SLC34A1: variants seen among roughly 807,000 people sequenced by gnomAD.
SLC34A1 encodes the protein solute carrier family 34 member 1, also known as sodium-dependent phosphate transport protein 2A.
SLC34A1 carries 57 observed loss-of-function variants against 51.4 expected under a neutral mutation model. The observed-to-expected ratio is 1.11, with a 90% confidence interval of 0.90 to 1.38. The LOEUF is 1.38. SLC34A1 is among the 40% of genes most tolerant of loss of function. The probability of loss-of-function intolerance (pLI) is 0.00; values close to 1 mark genes in which losing one functional copy is unlikely to be tolerated. For missense variants in SLC34A1, 796 were observed against 835.6 expected (o/e 0.95, Z 0.58); for synonymous variants, 368 against 358.0 (o/e 1.03, Z -0.32).
intron 10 of SLC34A1, among the ~76,000 whole-genome samples, chr5:177,394,688 CTTT>C (rs34736156): frequency 0.16 from 16,515 of 104,700 alleles, 1,008 homozygotes; most frequent in South Asian, 0.29. Flanking sequence ...GAGACTTTGT[CTTT>C]TTTTTTTTTT....
Position 177,385,968 on chromosome 5 carries a change from G to A in SLC34A1, c.110-19G>A, listed in dbSNP as rs1762548609. ...CCCACTTTGGGGCCCTGGGGCTCCT[G>A]ACCAGGCTCCCTCCCTAGTCCTACA... On this transcript the variant is annotated intron_variant, in intron 2 of 12. Transcript: ENST00000324417. 6.2e-7 allele frequency: 1 copy of A among 1,609,924 alleles called. No individual in the cohort carries two copies. Among genetic ancestry groups the A allele is most frequent in the Non-Finnish European group, 8.5e-7 (1 of 1,179,580 alleles).
chr5:177,389,946 G>A, intron 8 of SLC34A1: 1 of 1,404,914 alleles, frequency 7.1e-7, no homozygotes. Context: ...CATTTCCTCG[G>A]CTTGGAGAGT....
chr5:177,397,205 A>C, intron 12 of SLC34A1, 131 bp downstream of exon 12: 1 of 1,243,462 alleles, frequency 8.0e-7, no homozygotes, highest in Non-Finnish European at 1.1e-6. Context: ...TGCTCAATGA[A>C]ACCATTATGG....
Position 177,398,100 on chromosome 5 carries a change from C to T in SLC34A1, c.1734C>T (p.Phe578=), listed in dbSNP as rs1260069695. ...HLPKWLQTWD[F]LPRWMHSLKP... ...CCAAGTGGTTACAGACATGGGACTT[C>T]CTGCCTCGCTGGATGCACTCCCTGA... Residue 578 remains phenylalanine, a synonymous_variant, in exon 13 of 13, where the codon TTC becomes TTT. Coordinates refer to ENST00000324417, the MANE Select transcript of SLC34A1 (RefSeq NM_003052.5). This position sits in a 1 kb window ranked among gnomAD's most constrained non-coding sequence, Gnocchi z 4.7. 8 of 1,611,802 alleles carry T rather than the reference C, an allele frequency of 5.0e-6. No individual in the cohort carries two copies. Among genetic ancestry groups the T allele is most frequent in the African/African-American group, 1.3e-5 (1 of 74,882 alleles).
In SLC34A1 at chr5:177,385,696, G is replaced by A. The variant is rs377750098; in HGVS notation, c.-46G>A. 70 of 1,374,418 alleles carry A rather than the reference G, an allele frequency of 5.1e-5. No homozygotes were observed. The East Asian group carries it at 1.1e-3, about 22-fold the overall frequency. The allele number at this position is 1,374,418 out of a possible 1,614,324, so 85.1% of individuals were successfully genotyped here. The stretch of plus-strand genomic sequence containing the variant: ...CCGGACACAGCTATTGTCATTCAGC[G>A]TTGCTGAGACCCACTGACCTGCAGA... On this transcript the variant is annotated splice_region_variant and 5_prime_UTR_variant, in exon 2 of 13. Coordinates refer to ENST00000324417, the MANE Select transcript of SLC34A1 (RefSeq NM_003052.5).
rs1238425729 is a variant in SLC34A1, at chr5:177,388,048, C to T, written c.699C>T (p.Val233=). The change falls in exon 7 of 13, where the codon GTC becomes GTT. Residue 233 remains valine, a synonymous_variant. Coordinates refer to ENST00000324417, the MANE Select transcript of SLC34A1 (RefSeq NM_003052.5). This position sits in a 1 kb window ranked among gnomAD's most constrained non-coding sequence, Gnocchi z 4.3. ...GCTTTAACTGGCTGTCAGTGCTGGTCCTGCTGCCCCTGGAGGCTGCCACTG... is the reference window on the plus strand; with the variant it reads ...GCTTTAACTGGCTGTCAGTGCTGGTTCTGCTGCCCCTGGAGGCTGCCACTG... ...HDCFNWLSVL[V]LLPLEAATGY... is the part of the protein sequence containing the mutation. The T allele has an allele frequency of 1.2e-6, 2 of 1,613,976 alleles. No individual in the cohort carries two copies. Among genetic ancestry groups the T allele is most frequent in the African/African-American group, 2.7e-5 (2 of 74,922 alleles).
Position 177,398,459 on chromosome 5 carries a change from G to C in SLC34A1, c.*173G>C, listed in dbSNP as rs1763043805. 1 of 769,154 alleles carries C rather than the reference G, an allele frequency of 1.3e-6. No individual in the cohort carries two copies. Among genetic ancestry groups the C allele is most frequent in the African/African-American group, 1.7e-5 (1 of 59,206 alleles). The allele number at this position is 769,154 out of a possible 1,614,324, so 47.6% of individuals were successfully genotyped here. A position where few individuals can be genotyped will look rare whatever the true frequency, so the allele number is the denominator to read the frequency against. On this transcript the variant is annotated 3_prime_UTR_variant, in exon 13 of 13. Coordinates refer to ENST00000324417, the MANE Select transcript of SLC34A1 (RefSeq NM_003052.5). The surrounding 1 kb of genome is among the most constrained non-coding windows in gnomAD (Gnocchi z 4.7). ...TGAGAGTGTCGGTGTGTGTGCATGT[G>C]TGGGGGTGAGTCTGCATGTGCACCT...
rs532863455 is a variant in SLC34A1, at chr5:177,396,427, G to A, written c.1175-306G>A. On this transcript the variant is annotated intron_variant, in intron 10 of 12. Coordinates refer to ENST00000324417, the MANE Select transcript of SLC34A1 (RefSeq NM_003052.5). The surrounding 1 kb of genome is among the most constrained non-coding windows in gnomAD (Gnocchi z 4.0). ...GGTCGTCTCTCCCAGTGCCCCCGCG[G>A]AGATCCGCTCTCCCAGTGCCCCCGC... Among the ~76,000 whole-genome samples the A allele has an allele frequency of 3.9e-4, 59 of 151,462 alleles. No individual in the cohort carries two copies. Among genetic ancestry groups the A allele is most frequent in the African/African-American group, 1.4e-3 (57 of 41,288 alleles).
chr5:177,390,084 T>C lies in SLC34A1; in HGVS notation c.936+1712T>C, dbSNP rs1035326836. 10 of 1,125,536 alleles carry C rather than the reference T, an allele frequency of 8.9e-6. No homozygotes were observed. In the East Asian group the frequency reaches 3.0e-4, roughly 34 times the overall value. 69.7% of individuals were successfully genotyped at this position (1,125,536 alleles called of 1,614,324 possible). A position where few individuals can be genotyped will look rare whatever the true frequency, so the allele number is the denominator to read the frequency against. ...GTGTGAAGTGCGTCCTGGCTCTTCC[T>C]GCCCAAAGACGGGCCACAGAGTCTC... is the stretch of plus-strand genomic sequence containing the variant. On this transcript the variant is annotated intron_variant, in intron 8 of 12. Coordinates refer to ENST00000324417, the MANE Select transcript of SLC34A1 (RefSeq NM_003052.5).
chr5:177,397,685 C>T (rs1185277341), intron 12 of SLC34A1, 98 bp from the exon 13 acceptor site: 2 of 1,532,518 alleles, frequency 1.3e-6, no homozygotes, highest in East Asian at 2.2e-5. Flanking sequence ...TTCCTGCTGC[C>T]CAGACCAGAT....
At chr5:177,395,997 C>A (rs1299048701) in intron 10 of SLC34A1, among the ~76,000 whole-genome samples, 1 of 152,108 alleles carries the variant, frequency 6.6e-6, no homozygotes, top group African/African-American at 2.4e-5. Context: ...TCAGGCTAGT[C>A]TCGAACTCCC....
chr5:177,390,010 C>T lies in SLC34A1; in HGVS notation c.936+1638C>T. 6 of 1,327,480 alleles carry T rather than the reference C, an allele frequency of 4.5e-6. No individual in the cohort carries two copies. The South Asian group carries it at 1.0e-4, about 23-fold the overall frequency. The allele number at this position is 1,327,480 out of a possible 1,614,324, so 82.2% of individuals were successfully genotyped here. ...TTTCATCCCCTTTCTGGGACAGCGC[C>T]CCGAAGGAGTGTGACTCACACAGCA... On this transcript the variant is annotated intron_variant, in intron 8 of 12. Transcript: ENST00000324417.
At chr5:177,397,480 CA>C in intron 12 of SLC34A1, 1 of 535,336 alleles carries the variant, frequency 1.9e-6, no homozygotes, top group Non-Finnish European at 3.4e-6. Flanking sequence ...AAACTGACAT[CA>C]ATCCTTTAGC....
chr5:177,385,876 C>T lies in SLC34A1; in HGVS notation c.109+26C>T, dbSNP rs561862898. ...GTAAGTGCTGCTCCCACACCCTGGA[C>T]CCTGGTTGCCCACGGTTGCCCACAT... On this transcript the variant is annotated intron_variant, in intron 2 of 12. Coordinates refer to ENST00000324417, the MANE Select transcript of SLC34A1 (RefSeq NM_003052.5). 2.7e-5 allele frequency: 43 copies of T among 1,611,050 alleles called. No homozygotes were observed. In the South Asian group the frequency reaches 4.2e-4, roughly 16 times the overall value.
In SLC34A1 at chr5:177,393,807, G is replaced by A. The variant is rs747908779; in HGVS notation, c.1006+44G>A. The A allele has an allele frequency of 2.5e-6, 4 of 1,598,736 alleles. No individual in the cohort carries two copies. The African/African-American group carries it at 4.0e-5, about 16-fold the overall frequency. On this transcript the variant is annotated intron_variant, in intron 9 of 12. Coordinates refer to ENST00000324417, the MANE Select transcript of SLC34A1 (RefSeq NM_003052.5). ...GGAGGTGTCCTGCATGGCAGGGGCAGAGCCTAGCAGTGGCAGGGCAATCCC... is the reference window on the plus strand; with the variant it reads ...GGAGGTGTCCTGCATGGCAGGGGCAAAGCCTAGCAGTGGCAGGGCAATCCC...
At chr5:177,390,623 AC>A (rs899663527) in intron 8 of SLC34A1, 3 of 153,126 alleles carry the variant, frequency 2.0e-5, no homozygotes, top group African/African-American at 7.3e-5. Context: ...CCACGTGGAG[AC>A]GACTCCAGAG....
Position 177,396,976 on chromosome 5 carries a change from G to C in SLC34A1, c.1318G>C (p.Ala440Pro). ...IGLGVISIERAYPLTLGSNIG... is the reference protein window; with the variant it reads ...IGLGVISIERPYPLTLGSNIG... ...TCTTGGTGTGATCAGCATTGAGAGGGCCTACCCGCTCACACTGGGTTCCAA... is the reference window on the plus strand; with the variant it reads ...TCTTGGTGTGATCAGCATTGAGAGGCCCTACCCGCTCACACTGGGTTCCAA... The change falls in exon 12 of 13, where the codon GCC becomes CCC. Residue 440 changes from alanine to proline, a missense_variant. Transcript: ENST00000324417. This position sits in a 1 kb window ranked among gnomAD's most constrained non-coding sequence, Gnocchi z 4.0. 1 of 1,614,134 alleles carries C rather than the reference G, an allele frequency of 6.2e-7. No individual in the cohort carries two copies. Among genetic ancestry groups the C allele is most frequent in the Non-Finnish European group, 8.5e-7 (1 of 1,180,022 alleles).
intron 5 of SLC34A1, among the ~76,000 whole-genome samples, chr5:177,387,404 A>T (rs936747221): frequency 6.6e-6 from 1 of 152,100 alleles, no homozygotes; most frequent in Non-Finnish European, 1.5e-5. Flanking sequence ...CAAAACAAAC[A>T]AACAAAAAAA....
Position 177,394,177 on chromosome 5 carries a change from CAGA to C in SLC34A1, c.1159_1161del (p.Lys387del). 1 of 1,614,016 alleles carries C rather than the reference CAGA, an allele frequency of 6.2e-7. No homozygotes were observed. On this transcript the variant is annotated inframe_deletion, in exon 10 of 13. Coordinates refer to ENST00000324417, the MANE Select transcript of SLC34A1 (RefSeq NM_003052.5). ...CAAGGGCCAAGTGGCCAAGGTCATC[CAGA>C]AGGTCATCAATACGGGTGAGCTGCG...
Sources: gnomAD v4.1 joint callset for allele counts (sites outside exome capture counted in the v4.1 genomes callset) on GRCh38, gnomAD v4.1.1 for gene constraint, Gnocchi (gnomAD v3.1) non-coding constraint, MANE v1.5 for transcripts, NCBI Gene and HGNC (gene_info 2026-07-23, HGNC 2026-07-21) for gene names.